JAK1: variants seen among roughly 807,000 people sequenced by gnomAD.
The protein encoded by JAK1 is tyrosine-protein kinase JAK1.
JAK1 carries 16 observed loss-of-function variants against 136.6 expected under a neutral mutation model. That is an observed-to-expected ratio of 0.12 (90% CI 0.08 to 0.18). JAK1 has a LOEUF of 0.18. Among genes scored for constraint, JAK1 ranks in the 10% least tolerant of loss-of-function variants. The pLI is 1.00. For synonymous variants in JAK1, 492 were observed against 519.5 expected, an observed-to-expected ratio of 0.95 and a Z score of 0.72; for missense variants, 859 against 1,450.1, an observed-to-expected ratio of 0.59 and a Z score of 6.62.
At chr1:64,877,043 G>GAT (rs1254135924) in intron 4 of JAK1, among the ~76,000 whole-genome samples, 4 of 152,218 alleles carry the variant, frequency 2.6e-5, no homozygotes, top group Middle Eastern at 3.4e-3. Flanking sequence ...CTTATGCTAA[G>GAT]ATATATATAT....
At chr1:64,976,719 C>T (rs1423375994) in intron 2 of JAK1, among the ~76,000 whole-genome samples, 1 of 152,176 alleles carries the variant, frequency 6.6e-6, no homozygotes, top group Non-Finnish European at 1.5e-5. Context: ...CTCAGTGGGT[C>T]TTCTGGTCTT....
chr1:64,958,264 C>T (rs12125279), intron 1 of JAK1, among the ~76,000 whole-genome samples: 9,734 of 152,232 alleles, frequency 0.064, 414 homozygotes, highest in Admixed American at 0.14. Context: ...CCAATATGAC[C>T]TCCTCTGACT....
intron 1 of JAK1, among the ~76,000 whole-genome samples, chr1:64,946,226 C>G (rs933400269): frequency 1.3e-5 from 2 of 152,218 alleles, no homozygotes; most frequent in East Asian, 3.8e-4. Flanking sequence ...ACACAGTGGT[C>G]GTCTTCTATT....
At chr1:64,975,747 T>C (rs58991466) in intron 2 of JAK1, among the ~76,000 whole-genome samples, 7,786 of 152,170 alleles carry the variant, frequency 0.051, 727 homozygotes, top group African/African-American at 0.18. Flanking sequence ...ACTATACACA[T>C]CCAACCCTAA....
chr1:64,879,066 G>A lies in JAK1; in HGVS notation c.288C>T (p.Thr96=), dbSNP rs144427356. ...GCCGGAGGGACATCTTGTCATCAACGGTGATGGTGCGATTTGGAGCATACC... is the reference window on the plus strand; with the variant it reads ...GCCGGAGGGACATCTTGTCATCAACAGTGATGGTGCGATTTGGAGCATACC... ...KLWYAPNRTI[T]VDDKMSLRLH... The change falls in exon 4 of 25, where the codon ACC becomes ACT. Residue 96 remains threonine (T), a synonymous_variant. Transcript: ENST00000342505. The A allele has an allele frequency of 3.0e-4, 490 of 1,614,014 alleles. No homozygotes were observed. The African/African-American group carries it at 5.2e-3, about 17-fold the overall frequency.
intron 2 of JAK1, among the ~76,000 whole-genome samples, chr1:65,031,729 C>T (rs1161877208): frequency 2.0e-5 from 3 of 151,952 alleles, no homozygotes; most frequent in Non-Finnish European, 4.4e-5. Context: ...CTCCTAACAT[C>T]TCATGGCTCC....
In JAK1 at chr1:64,902,860, C is replaced by T. The variant is rs544657581; in HGVS notation, c.-77-16519G>A. 1.0e-3 allele frequency among the ~76,000 whole-genome samples: 154 copies of T among 152,210 alleles called. 1 individual carries two copies. Among genetic ancestry groups the T allele is most frequent in the South Asian group, 4.0e-3 (19 of 4,810 alleles). ...ATGCTCACAATAGTGACTACAATTG[C>T]CAGCTTCCTTTGCGGCAAGATATGA... On this transcript the variant is annotated intron_variant, in intron 1 of 24. Coordinates refer to ENST00000342505, the MANE Select transcript of JAK1 (RefSeq NM_002227.4).
At chr1:64,937,803 A>T (rs11208551) in intron 1 of JAK1, among the ~76,000 whole-genome samples, 106,451 of 152,074 alleles carry the variant, frequency 0.7, 40,584 homozygotes, top group Middle Eastern at 0.92. Context: ...AGGAAACCCA[A>T]CCATCGATCA....
At chr1:65,024,232 A>G (rs1646959447) in intron 2 of JAK1, among the ~76,000 whole-genome samples, 1 of 152,164 alleles carries the variant, frequency 6.6e-6, no homozygotes, top group East Asian at 1.9e-4. Flanking sequence ...AGCAAGGTAC[A>G]AGGGTTCTAA....
intron 1 of JAK1, among the ~76,000 whole-genome samples, chr1:64,889,297 C>T (rs1644899209): frequency 6.6e-6 from 1 of 152,116 alleles, no homozygotes. Flanking sequence ...GAACATGATT[C>T]ACTGGGTTCA....
At chr1:64,925,203 CCTGA>C (rs1178147068) in intron 1 of JAK1, among the ~76,000 whole-genome samples, 1 of 150,612 alleles carries the variant, frequency 6.6e-6, no homozygotes, top group Non-Finnish European at 1.5e-5. Flanking sequence ...TCAAGACCAG[CCTGA>C]CTAACACAGT....
At chr1:65,003,799 C>T (rs986489813) in intron 2 of JAK1, 3 of 152,140 alleles carry the variant, frequency 2.0e-5, no homozygotes, top group African/African-American at 7.2e-5. Context: ...TCTGTCTACG[C>T]ATCTAAAGCA....
chr1:65,043,700 ATTTTT>A (rs112982943), intron 2 of JAK1, among the ~76,000 whole-genome samples: 3 of 101,268 alleles, frequency 3.0e-5, no homozygotes, highest in Non-Finnish European at 6.3e-5. Flanking sequence ...CACCTGGCTA[ATTTTT>A]TTTTTTTTTT....
rs370316641 is a variant in JAK1, at chr1:64,997,892, A to G, written c.-78+46588T>C. Among the ~76,000 whole-genome samples the G allele has an allele frequency of 1.9e-4, 29 of 152,368 alleles. 5 individuals carry two copies. Among genetic ancestry groups the G allele is most frequent in the Admixed American group, 3.3e-4 (5 of 15,302 alleles). On this transcript the variant is annotated intron_variant, in intron 2 of 25. Transcript: ENST00000671954. ...CCTGCTGATGGAAGCCCAGAGCCAC[A>G]AGACGAGACAGCCTCTCATCTTATC...
intron 1 of JAK1, chr1:64,942,020 A>G (rs1455273798): frequency 6.6e-6 from 1 of 152,226 alleles, no homozygotes; most frequent in African/African-American, 2.4e-5. Flanking sequence ...TAAAAATCCA[A>G]AGAGAGAGAA....
intron 2 of JAK1, among the ~76,000 whole-genome samples, chr1:64,983,004 C>T (rs980614933): frequency 2.6e-5 from 4 of 152,192 alleles, no homozygotes; most frequent in African/African-American, 4.8e-5. Flanking sequence ...TTTTATTCGA[C>T]GCCTCAACAA....
intron 11 of JAK1, among the ~76,000 whole-genome samples, chr1:64,851,151 A>C (rs1324038656): frequency 1.3e-5 from 2 of 152,200 alleles, no homozygotes; most frequent in Non-Finnish European, 2.9e-5. Context: ...CAGCTCCTCT[A>C]AAGAACAGGT....
chr1:65,022,487 G>A (rs1242272955), intron 2 of JAK1, among the ~76,000 whole-genome samples: 4 of 152,032 alleles, frequency 2.6e-5, no homozygotes. Context: ...CCTTTCTGAG[G>A]CCCATTAAAC....
At chr1:64,880,203 T>C (rs1426388854) in intron 3 of JAK1, among the ~76,000 whole-genome samples, 1 of 152,208 alleles carries the variant, frequency 6.6e-6, no homozygotes, top group Admixed American at 6.5e-5. Flanking sequence ...AGCTATCTAG[T>C]GCTCTCCTGA....
Sources: gnomAD v4.1 joint callset for allele counts (sites outside exome capture counted in the v4.1 genomes callset) on GRCh38, gnomAD v4.1.1 for gene constraint, MANE v1.5 for transcripts, NCBI Gene and HGNC (gene_info 2026-07-23, HGNC 2026-07-21) for gene names.